GPHN: variants seen among roughly 807,000 people sequenced by gnomAD.
GPHN encodes the protein gephyrin.
A neutral mutation model predicts 95.5 loss-of-function variants in GPHN; 17 were observed. The observed-to-expected ratio is 0.18, with a 90% CI of 0.12 to 0.27. The LOEUF is 0.27. Ranked by LOEUF, GPHN falls within the 10% of genes least tolerant of loss-of-function variation. GPHN has a pLI of 1.00. For missense variants in GPHN, 660 were observed against 978.1 expected (o/e 0.67, Z 4.34); for synonymous variants, 320 against 322.5 (o/e 0.99, Z 0.08).
chr14:67,087,072 T>C (rs974656624), intron 11 of GPHN, among the ~76,000 whole-genome samples: 3 of 150,096 alleles, frequency 2.0e-5, no homozygotes, highest in South Asian at 4.2e-4. Flanking sequence ...TTCCTTCACC[T>C]GTAAAATGAA....
At chr14:67,537,092 C>T in the GPHN span, among the ~76,000 whole-genome samples, 1 of 147,864 alleles carries the variant, frequency 6.8e-6, no homozygotes, top group African/African-American at 2.5e-5. Flanking sequence ...TGTAGTGGCT[C>T]AACACACTTT....
intron 2 of GPHN, among the ~76,000 whole-genome samples, chr14:66,752,348 A>G (rs2058398366): frequency 2.0e-5 from 3 of 152,128 alleles, no homozygotes; most frequent in African/African-American, 7.2e-5. Flanking sequence ...AGCTTTTGAC[A>G]TGCTTTCTTC....
chr14:66,974,264 A>G (rs1434746572), intron 9 of GPHN, among the ~76,000 whole-genome samples: 5 of 152,118 alleles, frequency 3.3e-5, no homozygotes, highest in South Asian at 2.1e-4. Flanking sequence ...CATTTTAACT[A>G]TTTTTGGTCT....
intron 4 of GPHN, among the ~76,000 whole-genome samples, chr14:66,853,719 G>T (rs1381574573): frequency 6.6e-6 from 1 of 152,296 alleles, no homozygotes; most frequent in African/African-American, 2.4e-5. Flanking sequence ...TTGGGTAGGG[G>T]CACAGCCAAA....
intron 18 of GPHN, among the ~76,000 whole-genome samples, chr14:67,157,397 C>T (rs927345981): frequency 2.6e-5 from 4 of 152,152 alleles, no homozygotes; most frequent in Non-Finnish European, 5.9e-5. Flanking sequence ...ATCAACATTT[C>T]ATCTAGTCCC....
At chr14:66,591,182 A>T (rs951696489) in intron 1 of GPHN, among the ~76,000 whole-genome samples, 5 of 152,192 alleles carry the variant, frequency 3.3e-5, no homozygotes, top group Non-Finnish European at 5.9e-5. Flanking sequence ...ATTTATGACA[A>T]ACCCGCAGCC....
At chr14:67,187,492 T>C in the GPHN span, among the ~76,000 whole-genome samples, 1 of 152,160 alleles carries the variant, frequency 6.6e-6, no homozygotes, top group Non-Finnish European at 1.5e-5. Flanking sequence ...TACCATGGCT[T>C]CTGCATCTCC....
At chr14:67,474,914 C>CTTTT in the GPHN span, among the ~76,000 whole-genome samples, 161 of 124,922 alleles carry the variant, frequency 1.3e-3, 2 homozygotes, top group African/African-American at 2.6e-3. Context: ...GAATTTCCTT[C>CTTTT]TTTTTTTTTT....
At chr14:67,251,761 G>T in the GPHN span, among the ~76,000 whole-genome samples, 3 of 152,158 alleles carry the variant, frequency 2.0e-5, no homozygotes, top group Admixed American at 2.0e-4. Flanking sequence ...TCTTTTGTTT[G>T]AATGAGGGTG....
chr14:67,093,286 CT>C (rs1255315951), intron 12 of GPHN, among the ~76,000 whole-genome samples: 34 of 152,088 alleles, frequency 2.2e-4, no homozygotes, highest in African/African-American at 5.8e-4. Flanking sequence ...AACTTACCCC[CT>C]GGCCACTATT....
intron 11 of GPHN, among the ~76,000 whole-genome samples, chr14:67,084,908 A>G (rs1035792197): frequency 2.6e-5 from 4 of 152,264 alleles, no homozygotes; most frequent in Non-Finnish European, 5.9e-5. Context: ...ACTTTGTATC[A>G]GAAACTGGAC....
intron 8 of GPHN, among the ~76,000 whole-genome samples, chr14:66,953,366 G>T (rs908421382): frequency 6.6e-6 from 1 of 151,850 alleles, no homozygotes; most frequent in Non-Finnish European, 1.5e-5. Context: ...GTTGTTGCTT[G>T]TACTTTTGGT....
chr14:67,731,270 A>G, the GPHN span, among the ~76,000 whole-genome samples: 6 of 138,272 alleles, frequency 4.3e-5, no homozygotes, highest in Admixed American at 3.2e-4. Flanking sequence ...GCTGGAGTGC[A>G]ATGGCATGAT....
the GPHN span, among the ~76,000 whole-genome samples, chr14:67,536,169 C>T: frequency 6.7e-6 from 1 of 149,008 alleles, no homozygotes; most frequent in East Asian, 1.9e-4. Context: ...AGGACATGCT[C>T]ACCTTCTCTG....
intron 8 of GPHN, among the ~76,000 whole-genome samples, chr14:66,945,154 G>A (rs1165269227): frequency 1.3e-5 from 2 of 152,182 alleles, no homozygotes; most frequent in Non-Finnish European, 1.5e-5. Context: ...CACATTATAG[G>A]ATGAGTAGAA....
the GPHN span, among the ~76,000 whole-genome samples, chr14:67,609,627 G>A: frequency 2.0e-5 from 3 of 152,058 alleles, no homozygotes; most frequent in African/African-American, 7.2e-5. Flanking sequence ...TAATCCTGTG[G>A]TTACCTAGGG....
the GPHN span, among the ~76,000 whole-genome samples, chr14:67,282,615 G>A: frequency 6.6e-6 from 1 of 152,098 alleles, no homozygotes; most frequent in African/African-American, 2.4e-5. Context: ...TTTAAAAGCA[G>A]TTAGAATTTT....
chr14:67,132,323 T>A (rs1307987670), intron 17 of GPHN, among the ~76,000 whole-genome samples: 1 of 152,210 alleles, frequency 6.6e-6, no homozygotes, highest in Admixed American at 6.5e-5. Context: ...AGGAGTTTTC[T>A]AATCATCAAC....
At chr14:67,228,426 TA>T in the GPHN span, 1 of 346,128 alleles carries the variant, frequency 2.9e-6, no homozygotes, top group African/African-American at 2.2e-5. Flanking sequence ...CACCTTTTTT[TA>T]AAATCAGATA....
Sources: gnomAD v4.1 joint callset for allele counts (sites outside exome capture counted in the v4.1 genomes callset) on GRCh38, gnomAD v4.1.1 for gene constraint, MANE v1.5 for transcripts, NCBI Gene and HGNC (gene_info 2026-07-23, HGNC 2026-07-21) for gene names.